The following TPCN2 variants were observed in gnomAD, a reference collection of about 807,000 sequenced individuals.
TPCN2 encodes the protein two pore channel protein 2.
A neutral mutation model predicts 111.4 loss-of-function variants in TPCN2; 92 were observed. The ratio of observed to expected loss-of-function variants is 0.83; its 90% CI spans 0.70 to 0.98. The LOEUF (loss-of-function observed/expected upper bound fraction) is 0.98. Among genes scored for constraint, TPCN2 ranks in the 50% least tolerant of loss-of-function variants. The probability of loss-of-function intolerance (pLI) is 0.00; values close to 1 mark genes in which losing one functional copy is unlikely to be tolerated. For missense variants in TPCN2, 995 were observed against 980.1 expected (o/e 1.02, Z -0.20); for synonymous variants, 405 against 414.5 (o/e 0.98, Z 0.28).
At chr11:69,071,798 G>A (rs778949502) in intron 10 of TPCN2, 125 bp from the exon 11 acceptor site, 143 of 832,628 alleles carry the variant, frequency 1.7e-4, no homozygotes, top group Non-Finnish European at 2.5e-4. Context: ...CAGGCTGTGG[G>A]GAACTGGGCC....
chr11:69,078,851 C>T (rs745740380), intron 15 of TPCN2, 41 bp from the exon 16 acceptor site: 1 of 1,614,058 alleles, frequency 6.2e-7, no homozygotes, highest in South Asian at 1.1e-5. Flanking sequence ...GTGCTGGCAG[C>T]CCTGGGGCCC....
intron 24 of TPCN2, 125 bp downstream of exon 24, chr11:69,087,331 G>A: frequency 2.5e-6 from 2 of 802,458 alleles, no homozygotes; most frequent in Non-Finnish European, 4.0e-6. Context: ...CCGGTTATCT[G>A]GCTTTGGTCC....
At chr11:69,071,248 T>C (rs1240077849) in intron 9 of TPCN2, 108 bp from the exon 10 acceptor site, 2 of 826,626 alleles carry the variant, frequency 2.4e-6, no homozygotes, top group South Asian at 1.5e-5. Context: ...CATGTTTCCA[T>C]TTGATAGGGG....
Position 69,054,664 on chromosome 11 carries a change from G to C in TPCN2, c.175-57G>C, listed in dbSNP as rs1157700107. The C allele has an allele frequency of 3.2e-6, 5 of 1,544,998 alleles. No homozygotes were observed. The African/African-American group carries it at 5.5e-5, about 17-fold the overall frequency. ...GTCTCGTGTGTGGTGTGGGGCTCGGGTCACGGCCCACCCTGCATGCACCCA... is the reference window on the plus strand; with the variant it reads ...GTCTCGTGTGTGGTGTGGGGCTCGGCTCACGGCCCACCCTGCATGCACCCA... On this transcript the variant is annotated intron_variant, in intron 2 of 24. Coordinates refer to ENST00000294309, the MANE Select transcript of TPCN2 (RefSeq NM_139075.4).
intron 5 of TPCN2, among the ~76,000 whole-genome samples, chr11:69,059,371 A>G (rs1228293620): frequency 1.3e-5 from 2 of 151,992 alleles, no homozygotes; most frequent in African/African-American, 4.8e-5. Context: ...CCACCTTGGG[A>G]GTGGATATTT....
chr11:69,054,169 G>T, intron 2 of TPCN2, 72 bp downstream of exon 2: 9 of 1,303,036 alleles, frequency 6.9e-6, no homozygotes, highest in Non-Finnish European at 8.7e-6. Flanking sequence ...CCCTCCAGGG[G>T]CGACTGACTG....
At position 69,079,792 on chromosome 11, in the gene TPCN2, A is replaced by C. The variant is rs370224271; in HGVS notation, c.1540-42A>C. On this transcript the variant is annotated intron_variant, in intron 16 of 24. Transcript: ENST00000294309. ...AATTCCTTTAAGGGCCGCCCAGATT[A>C]GTGTTGCTGTAGCGAAGCCTTCTTT... 2.5e-4 allele frequency: 400 copies of C among 1,587,012 alleles called. 1 individual carries two copies. The Middle Eastern group carries it at 3.8e-3, about 15-fold the overall frequency.
chr11:69,055,384 C>T (rs1350595937), intron 4 of TPCN2, 32 bp downstream of exon 4: 7 of 1,557,634 alleles, frequency 4.5e-6, no homozygotes, highest in Non-Finnish European at 6.1e-6. Flanking sequence ...CTACGTGCTG[C>T]CCCGGCCTCC....
At chr11:69,061,691 G>A (rs1200764255) in intron 5 of TPCN2, among the ~76,000 whole-genome samples, 2 of 152,160 alleles carry the variant, frequency 1.3e-5, no homozygotes, top group Non-Finnish European at 2.9e-5. Flanking sequence ...CCAGTGGCCA[G>A]GAGGGGAGGA....
chr11:69,084,463 G>A (rs1856184863), intron 19 of TPCN2, among the ~76,000 whole-genome samples: 1 of 152,248 alleles, frequency 6.6e-6, no homozygotes, highest in South Asian at 2.1e-4. Context: ...CATTTGCTGA[G>A]CGAGAACTGT....
At chr11:69,074,768 C>T (rs1447700234) in intron 13 of TPCN2, among the ~76,000 whole-genome samples, 1 of 152,200 alleles carries the variant, frequency 6.6e-6, no homozygotes, top group Non-Finnish European at 1.5e-5. Flanking sequence ...GGCAGGCAGA[C>T]ACAGGCTGGG....
At position 69,088,028 on chromosome 11, in the gene TPCN2, C is replaced by A; in HGVS notation, c.*75C>A. 7.4e-7 allele frequency: 1 copy of A among 1,356,192 alleles called. No individual in the cohort carries two copies. Among genetic ancestry groups the A allele is most frequent in the Non-Finnish European group, 1.0e-6 (1 of 989,122 alleles). The allele number at this position is 1,356,192 out of a possible 1,614,324, so 84.0% of individuals were successfully genotyped here. On this transcript the variant is annotated 3_prime_UTR_variant, in exon 25 of 25. Transcript: ENST00000294309. The stretch of plus-strand genomic sequence containing the variant: ...ACACAGGTGCCCGTCATGGAAGAGG[C>A]GGCCATGCTGTGGCCAGCCAGGCAG...
chr11:69,086,041 A>G, intron 22 of TPCN2, 111 bp downstream of exon 22: 1 of 1,059,708 alleles, frequency 9.4e-7, no homozygotes, highest in Non-Finnish European at 1.4e-6. Flanking sequence ...TGGGACGGGG[A>G]CTCGGGCCTT....
Position 69,085,647 on chromosome 11 carries a change from A to G in TPCN2, c.1839-24A>G. On this transcript the variant is annotated intron_variant, in intron 20 of 24. Transcript: ENST00000294309. Reference sequence around the variant, plus strand: ...TCAGAACCTGGAGCCCCCGCCCCTGACCCAGGTGTGTTGTGTTCCCCAGCC... The same window carrying G: ...TCAGAACCTGGAGCCCCCGCCCCTGGCCCAGGTGTGTTGTGTTCCCCAGCC... 2.6e-6 allele frequency: 4 copies of G among 1,513,642 alleles called. No homozygotes were observed. In the East Asian group the frequency reaches 9.0e-5, roughly 34 times the overall value. The allele number at this position is 1,513,642 out of a possible 1,614,324, so 93.8% of individuals were successfully genotyped here. A position where few individuals can be genotyped will look rare whatever the true frequency, so the allele number is the denominator to read the frequency against.
intron 7 of TPCN2, among the ~76,000 whole-genome samples, chr11:69,064,755 G>A (rs143359820): frequency 5.3e-5 from 8 of 152,352 alleles, no homozygotes; most frequent in African/African-American, 1.9e-4. Flanking sequence ...TGAAGCCCGC[G>A]TTCTCACCCA....
rs938074932 is a variant in TPCN2, at chr11:69,070,321, C to T, written c.830-109C>T. 15 of 865,150 alleles carry T rather than the reference C, an allele frequency of 1.7e-5. No individual in the cohort carries two copies. In the African/African-American group the frequency reaches 2.3e-4, roughly 13 times the overall value. The allele number at this position is 865,150 out of a possible 1,614,324, so 53.6% of individuals were successfully genotyped here. On this transcript the variant is annotated intron_variant, in intron 8 of 24. Transcript: ENST00000294309. The stretch of plus-strand genomic sequence containing the variant: ...GATTACAGGCGTGAGCCACCACGCT[C>T]AGCAATGGAGACCTCCTTTCTATTG...
At chr11:69,087,264 G>C (rs1856324770) in intron 24 of TPCN2, 58 bp downstream of exon 24, 1 of 1,493,084 alleles carries the variant, frequency 6.7e-7, no homozygotes, top group African/African-American at 1.4e-5. Context: ...GCCAAGAGCT[G>C]GGGGGTGGAG....
intron 22 of TPCN2, 87 bp from the exon 23 acceptor site, chr11:69,086,436 T>C (rs1393940490): frequency 1.8e-6 from 2 of 1,106,878 alleles, no homozygotes; most frequent in Admixed American, 1.7e-5. Flanking sequence ...GCCCGAGAGC[T>C]GTCCTGGCCA....
intron 2 of TPCN2, 57 bp from the exon 3 acceptor site, chr11:69,054,664 G>A: frequency 6.5e-7 from 1 of 1,545,116 alleles, no homozygotes; most frequent in Non-Finnish European, 8.9e-7. Context: ...TGGGGCTCGG[G>A]TCACGGCCCA....
Sources: allele counts gnomAD v4.1 joint callset (sites outside exome capture counted in the v4.1 genomes callset), GRCh38; gene constraint gnomAD v4.1.1; transcripts MANE v1.5; gene names NCBI Gene and HGNC (gene_info 2026-07-23, HGNC 2026-07-21).